Variants in GRIN2A observed in about 807,000 individuals in gnomAD.
The protein encoded by GRIN2A is glutamate receptor ionotropic, NMDA 2A.
Under a neutral mutation model 113.4 loss-of-function variants are expected in GRIN2A, and 22 were observed. The ratio of observed to expected loss-of-function variants is 0.19; its 90% CI spans 0.14 to 0.28. GRIN2A has a LOEUF of 0.28. Among genes scored for constraint, GRIN2A ranks in the 10% least tolerant of loss-of-function variants. The probability of loss-of-function intolerance (pLI) is 1.00; values close to 1 mark genes in which losing one functional copy is unlikely to be tolerated. For missense variants in GRIN2A, 1,502 were observed against 1,887.0 expected (o/e 0.80, Z 3.78); for synonymous variants, 827 against 738.4 (o/e 1.12, Z -1.94).
At chr16:9,923,792 T>G (rs968465617) in intron 3 of GRIN2A, among the ~76,000 whole-genome samples, 1 of 152,190 alleles carries the variant, frequency 6.6e-6, no homozygotes, top group Non-Finnish European at 1.5e-5. Context: ...ATTTTTGTTT[T>G]AAAAGTAATT....
chr16:10,091,095 G>T (rs1329652004), intron 2 of GRIN2A, among the ~76,000 whole-genome samples: 1 of 152,166 alleles, frequency 6.6e-6, no homozygotes, highest in Non-Finnish European at 1.5e-5. Context: ...ATTGCTGATG[G>T]CAATGTGATA....
At chr16:10,045,965 A>G (rs2047250484) in intron 2 of GRIN2A, among the ~76,000 whole-genome samples, 4 of 152,222 alleles carry the variant, frequency 2.6e-5, no homozygotes, top group Non-Finnish European at 5.9e-5. Context: ...TGGTCCCTAC[A>G]TGCTGATATT....
At chr16:9,785,351 ACAC>A (rs1257763584) in intron 11 of GRIN2A, among the ~76,000 whole-genome samples, 1 of 149,562 alleles carries the variant, frequency 6.7e-6, no homozygotes, top group Non-Finnish European at 1.5e-5. Context: ...AAAAAACCAA[ACAC>A]CACATGTTCT....
chr16:9,947,070 C>A (rs1342679540), intron 2 of GRIN2A, among the ~76,000 whole-genome samples: 1 of 152,190 alleles, frequency 6.6e-6, no homozygotes, highest in East Asian at 1.9e-4. Context: ...ACTCATCTTC[C>A]TGAACTTGAA....
At chr16:9,935,682 C>A (rs1470122805) in intron 3 of GRIN2A, among the ~76,000 whole-genome samples, 1 of 151,932 alleles carries the variant, frequency 6.6e-6, no homozygotes, top group African/African-American at 2.4e-5. Flanking sequence ...GGTTTGTTGA[C>A]TGTATTTCCC....
chr16:9,844,400 A>G (rs1006895304), intron 5 of GRIN2A, among the ~76,000 whole-genome samples: 1 of 152,196 alleles, frequency 6.6e-6, no homozygotes, highest in Non-Finnish European at 1.5e-5. Flanking sequence ...TGAATTTATC[A>G]CAGTAATTAT....
chr16:9,870,611 T>C (rs1344133442), intron 4 of GRIN2A, among the ~76,000 whole-genome samples: 5 of 151,968 alleles, frequency 3.3e-5, no homozygotes, highest in South Asian at 2.1e-4. Context: ...CTGATGTTCC[T>C]TCAAGTAACT....
chr16:10,061,613 TG>T (rs1448723099), intron 2 of GRIN2A, among the ~76,000 whole-genome samples: 1 of 152,194 alleles, frequency 6.6e-6, no homozygotes, highest in Non-Finnish European at 1.5e-5. Flanking sequence ...GAAGTCAGTC[TG>T]GGGCAGAGAG....
intron 4 of GRIN2A, among the ~76,000 whole-genome samples, chr16:9,879,870 T>A (rs1036961307): frequency 3.3e-5 from 5 of 152,230 alleles, no homozygotes; most frequent in African/African-American, 1.2e-4. Flanking sequence ...TGTTCTCTCA[T>A]CTCAAGCTCT....
chr16:10,054,957 A>T (rs2047420378), intron 2 of GRIN2A, among the ~76,000 whole-genome samples: 1 of 147,266 alleles, frequency 6.8e-6, no homozygotes, highest in South Asian at 2.3e-4. Context: ...TGGAGGCAGG[A>T]GAATCGCTTG....
chr16:9,960,107 T>G (rs753330263), intron 2 of GRIN2A, among the ~76,000 whole-genome samples: 1 of 152,134 alleles, frequency 6.6e-6, no homozygotes, highest in African/African-American at 2.4e-5. Flanking sequence ...AGGTAACAGA[T>G]AGTAGAACCT....
intron 11 of GRIN2A, among the ~76,000 whole-genome samples, chr16:9,787,975 G>C (rs1053959736): frequency 6.6e-6 from 1 of 152,190 alleles, no homozygotes; most frequent in Non-Finnish European, 1.5e-5. Context: ...TCCAAGGCAG[G>C]AGTGAGTCAT....
chr16:9,827,463 C>A (rs2141306559), intron 9 of GRIN2A, among the ~76,000 whole-genome samples: 1 of 152,316 alleles, frequency 6.6e-6, no homozygotes, highest in Middle Eastern at 3.4e-3. Flanking sequence ...TGATTTAAGG[C>A]CAAGTCTCCA....
At chr16:9,767,799 T>C (rs1004438519) in intron 12 of GRIN2A, among the ~76,000 whole-genome samples, 1 of 152,224 alleles carries the variant, frequency 6.6e-6, no homozygotes, top group Non-Finnish European at 1.5e-5. Flanking sequence ...TTTTCTTCTG[T>C]TACTTTACAC....
intron 11 of GRIN2A, among the ~76,000 whole-genome samples, chr16:9,779,069 G>A (rs1267100557): frequency 6.6e-6 from 1 of 152,228 alleles, no homozygotes; most frequent in Non-Finnish European, 1.5e-5. Context: ...AGAGAATGTG[G>A]CCAACTAGTG....
intron 11 of GRIN2A, among the ~76,000 whole-genome samples, chr16:9,789,059 C>T (rs1029513916): frequency 2.6e-5 from 4 of 152,174 alleles, no homozygotes; most frequent in Non-Finnish European, 4.4e-5. Context: ...CCCTTCTTAT[C>T]TGTCTCCAGA....
chr16:10,169,530 TCC>T (rs1211687062), intron 2 of GRIN2A, among the ~76,000 whole-genome samples: 1 of 152,164 alleles, frequency 6.6e-6, no homozygotes, highest in Non-Finnish European at 1.5e-5. Context: ...TATTTTTCTC[TCC>T]CTTTTTTTCC....
intron 12 of GRIN2A, among the ~76,000 whole-genome samples, chr16:9,768,238 A>T (rs1355940716): frequency 1.3e-5 from 2 of 150,868 alleles, no homozygotes; most frequent in Admixed American, 6.6e-5. Flanking sequence ...TTAGTAGAGA[A>T]GGGGGGGGTC....
At chr16:10,030,096 C>T (rs2046900788) in intron 2 of GRIN2A, among the ~76,000 whole-genome samples, 1 of 152,088 alleles carries the variant, frequency 6.6e-6, no homozygotes. Context: ...GTAAAGCAAG[C>T]ACGGGCTATG....
Sources: gnomAD v4.1 joint callset for allele counts (sites outside exome capture counted in the v4.1 genomes callset) on GRCh38, gnomAD v4.1.1 for gene constraint, MANE v1.5 for transcripts, NCBI Gene and HGNC (gene_info 2026-07-23, HGNC 2026-07-21) for gene names.